Variants in ZFAT observed in about 807,000 individuals in gnomAD.
ZFAT encodes zinc finger protein ZFAT.
ZFAT carries 64 observed loss-of-function variants against 117.7 expected under a neutral mutation model. The ratio of observed to expected loss-of-function variants is 0.54; its 90% CI spans 0.44 to 0.67. The LOEUF (loss-of-function observed/expected upper bound fraction) is 0.67. ZFAT is among the 30% of genes least tolerant of loss of function. The pLI, the probability that ZFAT is intolerant of heterozygous loss-of-function variation, is 0.00. For missense variants in ZFAT, 1,433 were observed against 1,584.5 expected (o/e 0.90, Z 1.62); for synonymous variants, 679 against 615.0 (o/e 1.10, Z -1.54).
rs1012855576 is a variant in ZFAT, at chr8:134,588,326, C to T, written c.2633G>A (p.Arg878Lys). 1 of 1,590,400 alleles carries T rather than the reference C, an allele frequency of 6.3e-7. No individual in the cohort carries two copies. Among genetic ancestry groups the T allele is most frequent in the Non-Finnish European group, 8.6e-7 (1 of 1,167,644 alleles). ...RVQLKGLIGK[R>K]AMKCPYCDFY... ...GTCACAATATGGGCATTTCATGGCTCTCTTTCCAATTAGCCCTTTCAGCTG... is the reference window on the plus strand; with the variant it reads ...GTCACAATATGGGCATTTCATGGCTTTCTTTCCAATTAGCCCTTTCAGCTG... Residue 878 changes from arginine to lysine, a missense_variant, in exon 9 of 16, where the codon AGA (arginine) becomes AAA (lysine). Arg to Lys is a conservative substitution (Grantham distance 26, BLOSUM62 2). Coordinates refer to ENST00000377838, the MANE Select transcript of ZFAT (RefSeq NM_020863.4).
chr8:134,708,469 T>G (rs914362962), intron 1 of ZFAT, among the ~76,000 whole-genome samples: 1 of 152,148 alleles, frequency 6.6e-6, no homozygotes, highest in African/African-American at 2.4e-5. Flanking sequence ...TTTTTTTAAT[T>G]TAAAAAAAGA....
Position 134,601,814 on chromosome 8 carries a change from C to G in ZFAT, c.1905G>C (p.Leu635=). The G allele has an allele frequency of 1.9e-6, 3 of 1,613,842 alleles. No individual in the cohort carries two copies. The highest frequency in any genetic ancestry group is 2.5e-6 in the Non-Finnish European group (3 of 1,179,856). ...CTGACCCAGCACTCTGGGCCTTGGACAGCAGTAGTGTGATCACTTCACCTT... is the reference window on the plus strand; with the variant it reads ...CTGACCCAGCACTCTGGGCCTTGGAGAGCAGTAGTGTGATCACTTCACCTT... The part of the protein sequence containing the change: ...QTQGEVITLL[L]SKAQSAGSDQ... Residue 635 remains leucine, a synonymous_variant, in exon 6 of 16, where the codon CTG becomes CTC. Coordinates refer to ENST00000377838, the MANE Select transcript of ZFAT (RefSeq NM_020863.4).
chr8:134,568,031 T>C (rs1304260955), intron 10 of ZFAT, among the ~76,000 whole-genome samples: 1 of 152,220 alleles, frequency 6.6e-6, no homozygotes, highest in Non-Finnish European at 1.5e-5. Context: ...GGACTACATC[T>C]TACTCATCTT....
chr8:134,676,255 C>CAAAAAAAAAAA (rs146638821), intron 1 of ZFAT, among the ~76,000 whole-genome samples: 2 of 80,588 alleles, frequency 2.5e-5, no homozygotes, highest in Non-Finnish European at 4.7e-5. Context: ...AAATGGAAAG[C>CAAAAAAAAAAA]AAAAAAAAAA....
chr8:134,817,297 G>T, the ZFAT span, among the ~76,000 whole-genome samples: 4 of 151,686 alleles, frequency 2.6e-5, no homozygotes, highest in African/African-American at 9.7e-5. Context: ...CCTGCCTAAG[G>T]TTCCATCCTG....
the ZFAT span, among the ~76,000 whole-genome samples, chr8:134,754,468 A>G: frequency 6.6e-6 from 1 of 152,236 alleles, no homozygotes; most frequent in African/African-American, 2.4e-5. Context: ...GCATGGGAAT[A>G]TAAACATGGG....
At chr8:134,496,092 T>C (rs952134331) in intron 15 of ZFAT, among the ~76,000 whole-genome samples, 13 of 152,202 alleles carry the variant, frequency 8.5e-5, no homozygotes, top group Non-Finnish European at 7.3e-5. Flanking sequence ...AAAGGAGCTA[T>C]GCTGTTTCCA....
chr8:134,724,739 G>A, the ZFAT span, among the ~76,000 whole-genome samples: 8 of 152,186 alleles, frequency 5.3e-5, no homozygotes, highest in African/African-American at 1.4e-4. Flanking sequence ...ACACAGTGCA[G>A]GCTAGAAGCT....
At chr8:134,513,718 A>G (rs113950911) in intron 13 of ZFAT, among the ~76,000 whole-genome samples, 5 of 152,322 alleles carry the variant, frequency 3.3e-5, no homozygotes, top group African/African-American at 1.2e-4. Flanking sequence ...GTCACCAATC[A>G]AGAAGAACAA....
chr8:134,778,024 T>C, the ZFAT span, among the ~76,000 whole-genome samples: 5 of 152,314 alleles, frequency 3.3e-5, no homozygotes, highest in African/African-American at 1.2e-4. Context: ...ACTGGCCTTC[T>C]TCCTGCCAGC....
chr8:134,536,332 G>A (rs1412038283), intron 11 of ZFAT, among the ~76,000 whole-genome samples: 3 of 152,142 alleles, frequency 2.0e-5, no homozygotes, highest in Non-Finnish European at 4.4e-5. Flanking sequence ...TGATGCAGGG[G>A]GTTCAAAACA....
At chr8:134,547,386 G>A (rs1353983368) in intron 11 of ZFAT, among the ~76,000 whole-genome samples, 3 of 152,138 alleles carry the variant, frequency 2.0e-5, no homozygotes, top group African/African-American at 7.2e-5. Context: ...TCAACAAGAT[G>A]GTGCTGTTTT....
chr8:134,809,783 C>T, the ZFAT span, among the ~76,000 whole-genome samples: 14 of 152,154 alleles, frequency 9.2e-5, no homozygotes, highest in Admixed American at 8.5e-4. Flanking sequence ...GGATCAACTA[C>T]TTTTTATTAA....
At chr8:134,613,210 A>C (rs1828468152) in intron 3 of ZFAT, among the ~76,000 whole-genome samples, 1 of 152,182 alleles carries the variant, frequency 6.6e-6, no homozygotes, top group African/African-American at 2.4e-5. Context: ...TTCACATTTA[A>C]AAAAAAGACC....
chr8:134,583,359 T>C (rs1007431448), intron 10 of ZFAT, among the ~76,000 whole-genome samples: 1 of 152,228 alleles, frequency 6.6e-6, no homozygotes, highest in African/African-American at 2.4e-5. Flanking sequence ...GTATACTTTA[T>C]CTAGGTCAAA....
intron 11 of ZFAT, among the ~76,000 whole-genome samples, chr8:134,560,618 C>G (rs538431118): frequency 6.6e-6 from 1 of 151,700 alleles, no homozygotes; most frequent in African/African-American, 2.4e-5. Context: ...CATAATGATA[C>G]GTGGACTTAT....
At chr8:134,519,658 G>A (rs763383986) in intron 13 of ZFAT, among the ~76,000 whole-genome samples, 11 of 152,054 alleles carry the variant, frequency 7.2e-5, no homozygotes, top group African/African-American at 2.7e-4. Context: ...TTTCCTTCCA[G>A]TTCTAGGTCT....
chr8:134,637,167 C>T (rs572734148), intron 3 of ZFAT, among the ~76,000 whole-genome samples: 2 of 152,344 alleles, frequency 1.3e-5, no homozygotes, highest in East Asian at 3.9e-4. Context: ...TTTCCCAGAA[C>T]ATAAGCTCAG....
chr8:134,633,495 T>C (rs915371781), intron 3 of ZFAT, among the ~76,000 whole-genome samples: 1 of 152,218 alleles, frequency 6.6e-6, no homozygotes, highest in African/African-American at 2.4e-5. Context: ...CAATTCTAAA[T>C]GCCCATCAAC....
Sources: gnomAD v4.1 joint callset for allele counts (sites outside exome capture counted in the v4.1 genomes callset) on GRCh38, gnomAD v4.1.1 for gene constraint, MANE v1.5 for transcripts, NCBI Gene and HGNC (gene_info 2026-07-23, HGNC 2026-07-21) for gene names.